The following KIAA0586 variants were observed in gnomAD, a reference collection of about 807,000 sequenced individuals.
KIAA0586 encodes the protein KIAA0586.
In KIAA0586, 144 loss-of-function variants were observed where a neutral mutation model predicts 169.8. That is an observed-to-expected ratio of 0.85 (90% CI 0.74 to 0.97). The LOEUF (loss-of-function observed/expected upper bound fraction) is 0.97, where lower values mean the gene tolerates loss of function less well. Ranked by LOEUF, KIAA0586 falls within the 50% of genes least tolerant of loss-of-function variation. KIAA0586 has a pLI of 0.00. For synonymous variants in KIAA0586, 625 were observed against 612.4 expected, an observed-to-expected ratio of 1.02 and a Z score of -0.30; for missense variants, 1,854 against 1,823.0, an observed-to-expected ratio of 1.02 and a Z score of -0.31.
chr14:58,448,504 G>T lies in KIAA0586; in HGVS notation c.961+11G>T, dbSNP rs1211671077. On this transcript the variant is annotated intron_variant, in intron 7 of 30. Transcript: ENST00000652326. The stretch of plus-strand genomic sequence containing the variant: ...TTGCTTCCAAACAAGGTAAAAATAT[G>T]TAGTTCTCTATGAATAAAAAATGTC... The T allele has an allele frequency of 2.3e-5, 36 of 1,576,488 alleles. No homozygotes were observed. The highest frequency in any genetic ancestry group is 3.4e-4 in the Middle Eastern group (2 of 5,966).
intron 29 of KIAA0586, among the ~76,000 whole-genome samples, chr14:58,536,694 G>A (rs1595527556): frequency 6.6e-6 from 1 of 152,154 alleles, no homozygotes; most frequent in Admixed American, 6.5e-5. Context: ...TACTCCCTGT[G>A]TGCCTTCAAT....
intron 29 of KIAA0586, among the ~76,000 whole-genome samples, chr14:58,528,500 C>G (rs2045743592): frequency 6.6e-6 from 1 of 152,176 alleles, no homozygotes; most frequent in African/African-American, 2.4e-5. Context: ...TCATAATAAA[C>G]AGTCTCTCAG....
chr14:58,537,596 A>G (rs1205641961), intron 29 of KIAA0586, among the ~76,000 whole-genome samples: 2 of 152,220 alleles, frequency 1.3e-5, no homozygotes, highest in African/African-American at 4.8e-5. Flanking sequence ...AAGTTTAGAA[A>G]CAAAGTGAGA....
chr14:58,454,323 C>A (rs1026147168), intron 9 of KIAA0586, among the ~76,000 whole-genome samples: 1 of 152,130 alleles, frequency 6.6e-6, no homozygotes, highest in Non-Finnish European at 1.5e-5. Flanking sequence ...TTGTTCCCTC[C>A]CCTTTTCTTC....
At chr14:58,496,218 A>C (rs1350399850) in intron 26 of KIAA0586, among the ~76,000 whole-genome samples, 1 of 152,228 alleles carries the variant, frequency 6.6e-6, no homozygotes, top group Non-Finnish European at 1.5e-5. Flanking sequence ...TCTGCATTAT[A>C]GGCAACCTGA....
At chr14:58,477,015 G>A (rs1566861433) in intron 19 of KIAA0586, 108 bp from the exon 20 acceptor site, 2 of 583,554 alleles carry the variant, frequency 3.4e-6, no homozygotes, top group South Asian at 4.8e-5. Flanking sequence ...ACACCAACAT[G>A]TTTGTGGCAT....
At chr14:58,537,143 A>G (rs2046338242) in intron 29 of KIAA0586, 10 of 1,093,028 alleles carry the variant, frequency 9.1e-6, no homozygotes, top group Non-Finnish European at 1.1e-5. Flanking sequence ...CTTCCAGTAA[A>G]CCTCGTAAAT....
Position 58,512,750 on chromosome 14 carries a change from T to C in KIAA0586, c.4429+123T>C, listed in dbSNP as rs149963149. Reference sequence around the variant, plus strand: ...TCTAGGTTTTTGTTTTCTTTTGTTTTCTCTCATTTAGTCCATTTACATGAA... The same window carrying C: ...TCTAGGTTTTTGTTTTCTTTTGTTTCCTCTCATTTAGTCCATTTACATGAA... On this transcript the variant is annotated intron_variant, in intron 29 of 30. Transcript: ENST00000652326. 772 of 587,542 alleles carry C rather than the reference T, an allele frequency of 1.3e-3. 3 individuals are homozygous for C. Among genetic ancestry groups the C allele is most frequent in the East Asian group, 0.011 (331 of 29,160 alleles). 36.4% of individuals were successfully genotyped at this position (587,542 alleles called of 1,614,324 possible).
chr14:58,560,296 A>G, the KIAA0586 span, among the ~76,000 whole-genome samples: 1 of 152,222 alleles, frequency 6.6e-6, no homozygotes, highest in South Asian at 2.1e-4. Context: ...TCTTGAGTGA[A>G]CAAATGAATG....
chr14:58,535,972 AATGT>A (rs1386828569), intron 29 of KIAA0586, among the ~76,000 whole-genome samples: 2 of 152,154 alleles, frequency 1.3e-5, no homozygotes, highest in African/African-American at 2.4e-5. Context: ...AAGATTTACA[AATGT>A]AAGTATTACT....
intron 27 of KIAA0586, among the ~76,000 whole-genome samples, chr14:58,503,755 G>C (rs140075938): frequency 1.3e-4 from 19 of 151,888 alleles, no homozygotes; most frequent in Admixed American, 2.0e-4. Context: ...CTTGCCATGT[G>C]GTGAGTGAGG....
chr14:58,444,187 A>T lies in KIAA0586; in HGVS notation c.807+12A>T. On this transcript the variant is annotated intron_variant, in intron 6 of 30. Transcript: ENST00000652326. ...AAATAGATATTCAGGTATCTGTAAT[A>T]AATCCAGTACAGATTCCATAATCTT... 6.6e-7 allele frequency: 1 copy of T among 1,510,228 alleles called. No individual in the cohort carries two copies. Among genetic ancestry groups the T allele is most frequent in the Non-Finnish European group, 9.2e-7 (1 of 1,087,644 alleles). 93.6% of individuals were successfully genotyped at this position (1,510,228 alleles called of 1,614,324 possible).
At chr14:58,456,464 T>C (rs535659912) in intron 9 of KIAA0586, among the ~76,000 whole-genome samples, 3 of 152,342 alleles carry the variant, frequency 2.0e-5, no homozygotes, top group African/African-American at 7.2e-5. Flanking sequence ...TCCTGCTCCT[T>C]TTCTGCTACA....
chr14:58,487,702 G>A (rs182005474), intron 22 of KIAA0586, among the ~76,000 whole-genome samples, 185 bp from the exon 23 acceptor site: 12 of 151,700 alleles, frequency 7.9e-5, no homozygotes, highest in African/African-American at 2.7e-4. Flanking sequence ...ATTTTTTAAC[G>A]CTTCACTAAA....
Position 58,488,639 on chromosome 14 carries a change from G to A in KIAA0586, c.3546G>A (p.Lys1182=), listed in dbSNP as rs1386211383. Residue 1182 remains lysine, a synonymous_variant, in exon 24 of 31, where the codon AAG becomes AAA. Coordinates refer to ENST00000652326, the MANE Select transcript of KIAA0586 (RefSeq NM_001329943.3). The part of the protein sequence containing the change: ...HPRAIVMSVA[K]DEEPESMDFP... ...TTCTTAGTGTAATGTCTGTGGCTAA[G>A]GATGAAGAACCAGAGAGTATGGATT... is the stretch of plus-strand genomic sequence containing the variant. 1 of 1,613,732 alleles carries A rather than the reference G, an allele frequency of 6.2e-7. No homozygotes were observed. Among genetic ancestry groups the A allele is most frequent in the African/African-American group, 1.3e-5 (1 of 74,878 alleles).
chr14:58,562,029 C>G, the KIAA0586 span, among the ~76,000 whole-genome samples: 21 of 152,174 alleles, frequency 1.4e-4, no homozygotes, highest in African/African-American at 5.1e-4. Flanking sequence ...TTTCTCTGTT[C>G]CATCTTCACA....
chr14:58,523,719 ATATTAT>A (rs542449532), intron 29 of KIAA0586, among the ~76,000 whole-genome samples: 4 of 149,030 alleles, frequency 2.7e-5, no homozygotes, highest in African/African-American at 4.9e-5. Flanking sequence ...TTTTAATTGA[ATATTAT>A]TATTATTATT....
Position 58,487,522 on chromosome 14 carries a change from C to T in KIAA0586, c.3304+356C>T, listed in dbSNP as rs535868555. Among the ~76,000 whole-genome samples the T allele has an allele frequency of 9.2e-5, 14 of 152,016 alleles. No individual in the cohort carries two copies. The South Asian group carries it at 2.7e-3, about 29-fold the overall frequency. On this transcript the variant is annotated intron_variant, in intron 22 of 30. Transcript: ENST00000652326. ...TCAGGAGGCTGAGGTAGAAGAATTG[C>T]TTGAACCCGGGAGGCAGAGGTTGCA...
At chr14:58,487,560 C>A (rs752292955) in intron 22 of KIAA0586, among the ~76,000 whole-genome samples, 1 of 151,506 alleles carries the variant, frequency 6.6e-6, no homozygotes, top group African/African-American at 2.4e-5. Context: ...GAGCCGAGAT[C>A]GCACCATTGC....
Sources: allele counts gnomAD v4.1 joint callset (sites outside exome capture counted in the v4.1 genomes callset), GRCh38; gene constraint gnomAD v4.1.1; transcripts MANE v1.5; gene names NCBI Gene and HGNC (gene_info 2026-07-23, HGNC 2026-07-21).